Variants in ADAMTS19 observed in about 807,000 individuals in gnomAD.
The protein encoded by ADAMTS19 is A disintegrin and metalloproteinase with thrombospondin motifs 19.
A neutral mutation model predicts 153.3 loss-of-function variants in ADAMTS19; 93 were observed. The ratio of observed to expected loss-of-function variants is 0.61; its 90% CI spans 0.51 to 0.72. ADAMTS19 has a LOEUF of 0.72. Among genes scored for constraint, ADAMTS19 ranks in the 30% least tolerant of loss-of-function variants. The pLI, the probability that ADAMTS19 is intolerant of heterozygous loss-of-function variation, is 0.00. For synonymous variants in ADAMTS19, 600 were observed against 556.6 expected (o/e 1.08, Z -1.10); for missense variants, 1,482 against 1,552.1 (o/e 0.95, Z 0.76).
intron 7 of ADAMTS19, among the ~76,000 whole-genome samples, chr5:129,594,248 G>A (rs1750270820): frequency 6.6e-6 from 1 of 152,138 alleles, no homozygotes; most frequent in Non-Finnish European, 1.5e-5. Context: ...ATGGATACTG[G>A]AGAAGACATG....
chr5:129,689,224 A>G (rs996753715), intron 18 of ADAMTS19, among the ~76,000 whole-genome samples: 5 of 152,146 alleles, frequency 3.3e-5, no homozygotes, highest in Non-Finnish European at 7.3e-5. Context: ...ACACCAGTCC[A>G]AGTCTGTCTA....
intron 6 of ADAMTS19, among the ~76,000 whole-genome samples, chr5:129,537,738 G>A (rs976293670): frequency 1.3e-5 from 2 of 151,806 alleles, no homozygotes; most frequent in South Asian, 4.2e-4. Context: ...AGAACACATG[G>A]ACACAGGAAG....
chr5:129,733,747 AG>A (rs1163609140), intron 21 of ADAMTS19, among the ~76,000 whole-genome samples: 2 of 152,034 alleles, frequency 1.3e-5, no homozygotes, highest in Non-Finnish European at 2.9e-5. Flanking sequence ...AACAGTATGG[AG>A]GGTTCTCAAA....
intron 20 of ADAMTS19, 60 bp from the exon 21 acceptor site, chr5:129,704,179 C>A: frequency 1.3e-6 from 2 of 1,543,844 alleles, no homozygotes; most frequent in East Asian, 2.3e-5. Flanking sequence ...CTTAATTGAG[C>A]CTATCATCTA....
intron 13 of ADAMTS19, among the ~76,000 whole-genome samples, chr5:129,651,217 C>T (rs1478019506): frequency 6.6e-6 from 1 of 152,150 alleles, no homozygotes; most frequent in Non-Finnish European, 1.5e-5. Flanking sequence ...ACGTCTTCAA[C>T]TAGATTTTCC....
chr5:129,486,808 G>A (rs1750610523), intron 2 of ADAMTS19, among the ~76,000 whole-genome samples: 1 of 152,062 alleles, frequency 6.6e-6, no homozygotes. Flanking sequence ...AGGAGGATAA[G>A]AAAAGAAGTA....
intron 8 of ADAMTS19, among the ~76,000 whole-genome samples, chr5:129,613,854 A>G (rs1000247443): frequency 2.0e-5 from 3 of 152,196 alleles, no homozygotes; most frequent in Admixed American, 2.0e-4. Context: ...TAAAGGGGAT[A>G]TCACCATCGA....
chr5:129,517,904 T>C (rs1751666578), intron 3 of ADAMTS19, among the ~76,000 whole-genome samples: 1 of 152,042 alleles, frequency 6.6e-6, no homozygotes, highest in East Asian at 1.9e-4. Context: ...CAAAGGTGAT[T>C]TTCTCTGATT....
intron 2 of ADAMTS19, among the ~76,000 whole-genome samples, chr5:129,471,135 G>C (rs1052281878): frequency 1.3e-5 from 2 of 152,056 alleles, no homozygotes; most frequent in African/African-American, 2.4e-5. Context: ...GTAGTTGGTA[G>C]AGGAAGTCTC....
chr5:129,614,762 G>T (rs546376249), intron 8 of ADAMTS19, among the ~76,000 whole-genome samples: 1 of 152,060 alleles, frequency 6.6e-6, no homozygotes, highest in Non-Finnish European at 1.5e-5. Flanking sequence ...GTTTGCAGAC[G>T]ACATGATTGT....
intron 8 of ADAMTS19, among the ~76,000 whole-genome samples, chr5:129,610,296 CTTTTT>C (rs1405517081): frequency 6.6e-6 from 1 of 151,706 alleles, no homozygotes; most frequent in Non-Finnish European, 1.5e-5. Flanking sequence ...TTTATATATT[CTTTTT>C]TATCATACTT....
At chr5:129,735,649 A>G (rs1757634492) in intron 22 of ADAMTS19, among the ~76,000 whole-genome samples, 1 of 152,094 alleles carries the variant, frequency 6.6e-6, no homozygotes, top group Non-Finnish European at 1.5e-5. Flanking sequence ...TTCTAGTAAT[A>G]TTGACTATAT....
At chr5:129,677,726 A>G (rs1040261311) in intron 16 of ADAMTS19, among the ~76,000 whole-genome samples, 8 of 152,116 alleles carry the variant, frequency 5.3e-5, no homozygotes, top group African/African-American at 1.7e-4. Flanking sequence ...CTACCATGTT[A>G]GTGTTATATC....
At chr5:129,630,904 G>A (rs1752256199) in intron 10 of ADAMTS19, among the ~76,000 whole-genome samples, 1 of 151,752 alleles carries the variant, frequency 6.6e-6, no homozygotes, top group Admixed American at 6.6e-5. Flanking sequence ...ACAATAAAAT[G>A]GGCAAAACAT....
intron 3 of ADAMTS19, among the ~76,000 whole-genome samples, chr5:129,518,237 C>T (rs1457065998): frequency 2.6e-5 from 4 of 152,112 alleles, no homozygotes; most frequent in Admixed American, 6.6e-5. Context: ...TTGCACACCA[C>T]AGTAACAGTG....
At chr5:129,515,605 A>C (rs1405975437) in intron 3 of ADAMTS19, among the ~76,000 whole-genome samples, 3 of 151,978 alleles carry the variant, frequency 2.0e-5, no homozygotes, top group African/African-American at 7.2e-5. Context: ...CACTGTTGGC[A>C]TATAGAAATG....
rs752684513 is a variant in ADAMTS19 at position 129,701,600 on chromosome 5, C to T, written c.3159+8C>T. On this transcript the variant is annotated splice_region_variant and intron_variant, in intron 20 of 22. Coordinates refer to ENST00000274487, the MANE Select transcript of ADAMTS19 (RefSeq NM_133638.6). ...GCGGGAGTGTGGTCTGAGGTGCATA[C>T]ATGCCCCCTTTCTTTCCCCATTCCT... 11 of 1,613,200 alleles carry T rather than the reference C, an allele frequency of 6.8e-6. No individual in the cohort carries two copies. The highest frequency in any genetic ancestry group is 1.1e-5 in the South Asian group (1 of 91,000).
intron 8 of ADAMTS19, among the ~76,000 whole-genome samples, chr5:129,616,556 G>T (rs961223719): frequency 1.3e-5 from 2 of 151,954 alleles, no homozygotes; most frequent in East Asian, 1.9e-4. Context: ...CCAGCTTTCC[G>T]CAGGATATCA....
At chr5:129,502,325 A>G (rs1751132911) in intron 2 of ADAMTS19, among the ~76,000 whole-genome samples, 1 of 152,148 alleles carries the variant, frequency 6.6e-6, no homozygotes, top group Non-Finnish European at 1.5e-5. Flanking sequence ...GTAAAAATTT[A>G]AGTAGAGTGT....
Sources: allele counts gnomAD v4.1 joint callset (sites outside exome capture counted in the v4.1 genomes callset), GRCh38; gene constraint gnomAD v4.1.1; transcripts MANE v1.5; gene names NCBI Gene and HGNC (gene_info 2026-07-23, HGNC 2026-07-21).